Variants in GSN observed in about 807,000 individuals in gnomAD.
GSN encodes gelsolin, also known as actin-depolymerizing factor.
In GSN, 56 loss-of-function variants were observed where a neutral mutation model predicts 85.7. That is an observed-to-expected ratio of 0.65 (90% CI 0.53 to 0.82). The LOEUF (loss-of-function observed/expected upper bound fraction) is 0.82. Ranked by LOEUF, GSN falls within the 40% of genes least tolerant of loss-of-function variation. GSN has a pLI of 0.00. For synonymous variants in GSN, 373 were observed against 399.1 expected, an observed-to-expected ratio of 0.93 and a Z score of 0.78; for missense variants, 857 against 979.8, an observed-to-expected ratio of 0.87 and a Z score of 1.67.
intron 1 of GSN, among the ~76,000 whole-genome samples, chr9:121,271,413 A>G (rs901908486): frequency 6.6e-6 from 1 of 152,210 alleles, no homozygotes; most frequent in African/African-American, 2.4e-5. Context: ...TGGAACATTA[A>G]TTACTTTATT....
At chr9:121,257,176 A>G (rs1298615540) in intron 6 of GSN, among the ~76,000 whole-genome samples, 1 of 152,200 alleles carries the variant, frequency 6.6e-6, no homozygotes, top group Non-Finnish European at 1.5e-5. Flanking sequence ...CATTTGATAA[A>G]GGTCAAGTAA....
rs775191870 is a variant in GSN at position 121,317,121 on chromosome 9, C to T, written c.789C>T (p.Leu263=). Residue 263 remains leucine, a synonymous_variant, in exon 8 of 18, where the codon CTC becomes CTT. Transcript: ENST00000432226. The stretch of plus-strand genomic sequence containing the variant: ...GTGCAGGGACCATGTCCGTCTCCCT[C>T]GTGGCTGATGAGAACCCCTTCGCCC... ...SNGAGTMSVS[L]VADENPFAQG... 17 of 1,614,034 alleles carry T rather than the reference C, an allele frequency of 1.1e-5. No individual in the cohort carries two copies. The highest frequency in any genetic ancestry group is 4.5e-5 in the East Asian group (2 of 44,894).
intron 2 of GSN, chr9:121,286,055 C>G (rs898859776): frequency 2.6e-5 from 39 of 1,475,368 alleles, no homozygotes; most frequent in Non-Finnish European, 3.2e-5. Context: ...ACAGCTATTT[C>G]CAGACTAATC....
chr9:121,311,752 T>C (rs1459817533), intron 5 of GSN: 1 of 152,586 alleles, frequency 6.6e-6, no homozygotes, highest in African/African-American at 2.4e-5. Context: ...ATTTCTGAGA[T>C]GCATCCGTAT....
intron 6 of GSN, among the ~76,000 whole-genome samples, chr9:121,255,632 C>T (rs2054939271): frequency 6.6e-6 from 1 of 152,154 alleles, no homozygotes; most frequent in South Asian, 2.1e-4. Context: ...CCCCATTTTA[C>T]TACATAAGGA....
chr9:121,272,098 C>T lies in GSN; in HGVS notation c.-103+3879C>T, dbSNP rs77339926. Among the ~76,000 whole-genome samples the T allele has an allele frequency of 1.2e-3, 185 of 152,298 alleles. 2 individuals are homozygous for T. The East Asian group carries it at 0.029, about 24-fold the overall frequency. ...GGGATGTTAAGTAAAAATATCTCCT[C>T]GCTTTCAACGGAGTGAGCGTGTGTC... On this transcript the variant is annotated intron_variant, in intron 1 of 17. Transcript: ENST00000432226.
chr9:121,327,325 T>G lies in GSN; in HGVS notation c.1605T>G (p.Gly535=), dbSNP rs763843704. 1.3e-5 allele frequency: 21 copies of G among 1,613,988 alleles called. 1 individual carries two copies. The South Asian group carries it at 2.2e-4, about 17-fold the overall frequency. ...CCTCCCAGGTATTGCCTAAGGCTGG[T>G]GCACTGAACTCCAACGATGCCTTTG... ...TRAVEVLPKA[G]ALNSNDAFVL... The change falls in exon 14 of 18, where the codon GGT becomes GGG. Residue 535 remains glycine (G), a synonymous_variant. Transcript: ENST00000432226.
intron 2 of GSN, among the ~76,000 whole-genome samples, chr9:121,298,978 G>A (rs143168240): frequency 9.6e-4 from 146 of 152,224 alleles, no homozygotes; most frequent in African/African-American, 3.4e-3. Flanking sequence ...TACCTAAAAT[G>A]GAAACCAAAC....
chr9:121,305,483 A>G (rs563894507), intron 4 of GSN, among the ~76,000 whole-genome samples: 1 of 152,350 alleles, frequency 6.6e-6, no homozygotes, highest in East Asian at 1.9e-4. Flanking sequence ...CAGAGATGTT[A>G]AGCAACTTTT....
At chr9:121,254,315 T>TCCCCCCC (rs1261383224) in intron 6 of GSN, among the ~76,000 whole-genome samples, 3 of 152,182 alleles carry the variant, frequency 2.0e-5, no homozygotes, top group Non-Finnish European at 2.9e-5. Flanking sequence ...AGACTTGGCT[T>TCCCCCCC]CCCGTGAAAC....
intron 6 of GSN, among the ~76,000 whole-genome samples, chr9:121,254,467 G>T (rs553116651): frequency 2.0e-4 from 30 of 152,104 alleles, no homozygotes; most frequent in African/African-American, 6.5e-4. Context: ...TCCTGTCTCC[G>T]GGGTCCACCA....
intron 7 of GSN, among the ~76,000 whole-genome samples, chr9:121,315,232 G>A (rs1378882683): frequency 1.3e-5 from 2 of 152,092 alleles, no homozygotes; most frequent in African/African-American, 2.4e-5. Flanking sequence ...CAACATGGTC[G>A]GGAATATCTT....
intron 1 of GSN, among the ~76,000 whole-genome samples, chr9:121,268,932 T>A (rs897275750): frequency 2.0e-5 from 3 of 152,190 alleles, no homozygotes; most frequent in African/African-American, 7.2e-5. Context: ...GGCTGGCTGG[T>A]CTGGGCAGTG....
intron 6 of GSN, chr9:121,313,050 G>A (rs539739454): frequency 6.5e-6 from 1 of 154,756 alleles, no homozygotes; most frequent in South Asian, 2.0e-4. Context: ...GCTGTGCTGT[G>A]AGTGTGAGCC....
chr9:121,216,529 C>T (rs1421092661), intron 4 of GSN, among the ~76,000 whole-genome samples: 3 of 152,224 alleles, frequency 2.0e-5, no homozygotes, highest in Non-Finnish European at 4.4e-5. Flanking sequence ...CCTAACTCTC[C>T]TACCTGCCTG....
chr9:121,273,095 C>T (rs1213162996), intron 1 of GSN, among the ~76,000 whole-genome samples: 1 of 152,134 alleles, frequency 6.6e-6, no homozygotes, highest in Non-Finnish European at 1.5e-5. Context: ...TAAAGTATCC[C>T]TGAAATTGAC....
chr9:121,225,899 G>C (rs2054264256), intron 4 of GSN, among the ~76,000 whole-genome samples: 1 of 152,108 alleles, frequency 6.6e-6, no homozygotes, highest in South Asian at 2.1e-4. Flanking sequence ...CCAACTCCCG[G>C]GTTCAAGTGA....
At position 121,299,942 on chromosome 9, in the gene GSN, G is replaced by A. The variant is rs886063405; in HGVS notation, c.-9-2021G>A. On this transcript the variant is annotated intron_variant, in intron 2 of 17. Transcript: ENST00000432226. This position sits in a 1 kb window ranked among gnomAD's most constrained non-coding sequence, Gnocchi z 4.2. ...GCGCGCTGTCGCTGCCCGTCCGCGC[G>A]GCCACTGCGTCGCGGGGGGCGTCCC... 15 of 1,261,932 alleles carry A rather than the reference G, an allele frequency of 1.2e-5. No homozygotes were observed. The highest frequency in any genetic ancestry group is 8.6e-5 in the Admixed American group (2 of 23,250). The allele number at this position is 1,261,932 out of a possible 1,614,324, so 78.2% of individuals were successfully genotyped here. A position where few individuals can be genotyped will look rare whatever the true frequency, so the allele number is the denominator to read the frequency against.
At chr9:121,240,917 A>C (rs539205579) in intron 5 of GSN, among the ~76,000 whole-genome samples, 1 of 152,322 alleles carries the variant, frequency 6.6e-6, no homozygotes, top group South Asian at 2.1e-4. Flanking sequence ...TCATGTGTTA[A>C]AAAGAGCACT....
Sources: gnomAD v4.1 joint callset for allele counts (sites outside exome capture counted in the v4.1 genomes callset) on GRCh38, gnomAD v4.1.1 for gene constraint, Gnocchi (gnomAD v3.1) non-coding constraint, MANE v1.5 for transcripts, NCBI Gene and HGNC (gene_info 2026-07-23, HGNC 2026-07-21) for gene names.